The following KYNU variants were observed in gnomAD, a reference collection of about 807,000 sequenced individuals.
The protein encoded by KYNU is kynureninase, also known as L-kynurenine hydrolase.
A neutral mutation model predicts 59.2 loss-of-function variants in KYNU; 54 were observed. The observed-to-expected ratio is 0.91, with a 90% CI of 0.73 to 1.14. The LOEUF (loss-of-function observed/expected upper bound fraction) is 1.14. KYNU is among the 50% of genes most tolerant of loss of function. The probability of loss-of-function intolerance (pLI) is 0.00; values close to 1 mark genes in which losing one functional copy is unlikely to be tolerated. For synonymous variants in KYNU, 177 were observed against 192.0 expected (o/e 0.92, Z 0.65); for missense variants, 567 against 554.4 (o/e 1.02, Z -0.23).
At chr2:142,952,456 T>C (rs960149270) in intron 4 of KYNU, among the ~76,000 whole-genome samples, 1 of 152,174 alleles carries the variant, frequency 6.6e-6, no homozygotes, top group Non-Finnish European at 1.5e-5. Context: ...TTTTTGCTTT[T>C]TTTTAGATGC....
chr2:143,023,209 G>A (rs1275349883), intron 10 of KYNU, among the ~76,000 whole-genome samples: 1 of 151,814 alleles, frequency 6.6e-6, no homozygotes, highest in Non-Finnish European at 1.5e-5. Context: ...AATTCAGTAT[G>A]TATTTCTCTT....
intron 10 of KYNU, among the ~76,000 whole-genome samples, chr2:143,018,976 A>G (rs1686335967): frequency 6.6e-6 from 1 of 151,890 alleles, no homozygotes; most frequent in African/African-American, 2.4e-5. Context: ...ATTTTTTTAC[A>G]TTGATTTTGT....
chr2:142,986,718 A>G lies in KYNU; in HGVS notation c.902+697A>G, dbSNP rs572372194. ...AATAAAGAAATAATATGCTGGGAAG[A>G]AAAAAAAAAACCCTTTTCATAGTTG... On this transcript the variant is annotated intron_variant, in intron 10 of 13. Coordinates refer to ENST00000264170, the MANE Select transcript of KYNU (RefSeq NM_003937.3). 7.6e-5 allele frequency among the ~76,000 whole-genome samples: 11 copies of G among 145,148 alleles called. No homozygotes were observed. In the South Asian group the frequency reaches 2.2e-3, roughly 29 times the overall value.
At chr2:143,013,989 C>G (rs1198022022) in intron 10 of KYNU, among the ~76,000 whole-genome samples, 1 of 152,226 alleles carries the variant, frequency 6.6e-6, no homozygotes, top group African/African-American at 2.4e-5. Flanking sequence ...CTGTCAGTCA[C>G]TTCTATACCT....
At chr2:142,964,075 A>G (rs901629283) in intron 8 of KYNU, among the ~76,000 whole-genome samples, 11 of 148,740 alleles carry the variant, frequency 7.4e-5, no homozygotes, top group African/African-American at 2.7e-4. Context: ...CTACTTTTAT[A>G]TGTGTGAGAT....
intron 10 of KYNU, among the ~76,000 whole-genome samples, chr2:143,019,986 A>G (rs1686361801): frequency 6.6e-6 from 1 of 151,420 alleles, no homozygotes; most frequent in South Asian, 2.1e-4. Context: ...TTCCCTTTTC[A>G]GTTTGTGTTT....
intron 10 of KYNU, among the ~76,000 whole-genome samples, chr2:143,008,964 C>G (rs1686005956): frequency 1.6e-5 from 1 of 62,554 alleles, no homozygotes; most frequent in African/African-American, 8.3e-5. Context: ...CAGGAAAGAT[C>G]CAAAATTGAC....
chr2:142,961,472 C>A (rs773161024), intron 8 of KYNU, among the ~76,000 whole-genome samples: 1 of 151,974 alleles, frequency 6.6e-6, no homozygotes, highest in Non-Finnish European at 1.5e-5. Context: ...AAATTCAACT[C>A]ATACTTTGTC....
intron 10 of KYNU, chr2:142,988,935 G>A (rs979492324): frequency 2.0e-6 from 3 of 1,508,626 alleles, no homozygotes; most frequent in African/African-American, 2.8e-5. Flanking sequence ...CATTGTCCCT[G>A]ATAGGAAAAG....
Position 143,051,521 on chromosome 2 carries a change from T to G in KYNU, c.*9349T>G, listed in dbSNP as rs369001583. The G allele has an allele frequency of 2.0e-5, 3 of 152,262 alleles. No homozygotes were observed. Among genetic ancestry groups the G allele is most frequent in the African/African-American group, 7.2e-5 (3 of 41,552 alleles). The allele number at this position is 152,262 out of a possible 1,614,324, so 9.4% of individuals were successfully genotyped here. ...GGGATAATAAGATGTTTTATTTAAC[T>G]TGTTTGATTTTGTAGTTTTATCTTT... On this transcript the variant is annotated 3_prime_UTR_variant, in exon 14 of 14. Transcript: ENST00000264170.
chr2:142,960,516 A>C, intron 7 of KYNU, 108 bp from the exon 8 acceptor site: 1 of 988,186 alleles, frequency 1.0e-6, no homozygotes, highest in South Asian at 1.9e-5. Context: ...CTGAAAAAAA[A>C]AACTATTTTA....
At chr2:143,011,124 C>G (rs1686083653) in intron 10 of KYNU, among the ~76,000 whole-genome samples, 1 of 145,802 alleles carries the variant, frequency 6.9e-6, no homozygotes, top group Non-Finnish European at 1.5e-5. Flanking sequence ...AGTGAACAGG[C>G]AACCTACAAA....
rs180930218 is a variant in KYNU at position 143,018,940 on chromosome 2, G to T, written c.903-10687G>T. On this transcript the variant is annotated intron_variant, in intron 10 of 13. Coordinates refer to ENST00000264170, the MANE Select transcript of KYNU (RefSeq NM_003937.3). ...TATTGATTTTGTTCTCAGCTTGATT[G>T]TTATTGATGTATAGAAGTGCTACTG... is the stretch of plus-strand genomic sequence containing the variant. Among the ~76,000 whole-genome samples the T allele has an allele frequency of 2.4e-3, 369 of 152,088 alleles. 2 individuals carry two copies. Among genetic ancestry groups the T allele is most frequent in the African/African-American group, 8.5e-3 (354 of 41,504 alleles).
At chr2:142,915,891 T>A (rs1219736805) in intron 2 of KYNU, among the ~76,000 whole-genome samples, 1 of 152,102 alleles carries the variant, frequency 6.6e-6, no homozygotes, top group East Asian at 1.9e-4. Context: ...AATAATCAAG[T>A]TAAAATGAGA....
intron 2 of KYNU, among the ~76,000 whole-genome samples, chr2:142,904,891 C>T (rs759969264): frequency 2.6e-5 from 4 of 152,124 alleles, no homozygotes; most frequent in Non-Finnish European, 4.4e-5. Flanking sequence ...GAAAGGGATC[C>T]GGGCTGCTGG....
chr2:143,019,988 T>C (rs1188317164), intron 10 of KYNU, among the ~76,000 whole-genome samples: 1 of 152,084 alleles, frequency 6.6e-6, no homozygotes, highest in Non-Finnish European at 1.5e-5. Flanking sequence ...CCCTTTTCAG[T>C]TTGTGTTTTT....
At chr2:142,967,304 T>C (rs928109472) in intron 8 of KYNU, 1 of 152,106 alleles carries the variant, frequency 6.6e-6, no homozygotes, top group Admixed American at 6.5e-5. Flanking sequence ...GCATATTTGT[T>C]TTTTTTCAGC....
chr2:143,022,660 T>C (rs1686441957), intron 10 of KYNU, among the ~76,000 whole-genome samples: 1 of 151,996 alleles, frequency 6.6e-6, no homozygotes. Context: ...GTTTTAGATG[T>C]TTAAGTCTTT....
intron 2 of KYNU, among the ~76,000 whole-genome samples, chr2:142,886,959 A>G (rs1156884877): frequency 6.6e-6 from 1 of 152,158 alleles, no homozygotes; most frequent in Non-Finnish European, 1.5e-5. Flanking sequence ...TCACGAGGTC[A>G]GGAGATTGAG....
Sources: allele counts gnomAD v4.1 joint callset (sites outside exome capture counted in the v4.1 genomes callset), GRCh38; gene constraint gnomAD v4.1.1; transcripts MANE v1.5; gene names NCBI Gene and HGNC (gene_info 2026-07-23, HGNC 2026-07-21).